The following TMX3 variants were observed in gnomAD, a reference collection of about 807,000 sequenced individuals.
TMX3 encodes protein disulfide-isomerase TMX3.
A neutral mutation model predicts 64.4 loss-of-function variants in TMX3; 40 were observed. That is an observed-to-expected ratio of 0.62 (90% confidence interval 0.48 to 0.81). TMX3 has a LOEUF of 0.81. TMX3 is among the 30% of genes least tolerant of loss of function. The probability of loss-of-function intolerance (pLI) is 0.00; values close to 1 mark genes in which losing one functional copy is unlikely to be tolerated. For synonymous variants in TMX3, 189 were observed against 175.7 expected (o/e 1.08, Z -0.60); for missense variants, 497 against 534.5 (o/e 0.93, Z 0.69).
intron 2 of TMX3, among the ~76,000 whole-genome samples, chr18:68,713,333 G>A (rs1008610381): frequency 6.6e-6 from 1 of 152,184 alleles, no homozygotes. Flanking sequence ...GGCCTGGGAG[G>A]CCGAATCCTT....
intron 8 of TMX3, among the ~76,000 whole-genome samples, chr18:68,695,669 A>T (rs1196180532): frequency 6.6e-6 from 1 of 152,146 alleles, no homozygotes; most frequent in African/African-American, 2.4e-5. Flanking sequence ...TATCTTCTAA[A>T]CACAACAATC....
intron 3 of TMX3, among the ~76,000 whole-genome samples, chr18:68,710,596 AG>A (rs1291787518): frequency 6.6e-6 from 1 of 152,162 alleles, no homozygotes; most frequent in Admixed American, 6.5e-5. Context: ...ACTGGCAAGA[AG>A]GGGAGGTCAT....
At chr18:68,697,086 T>C (rs1336767097) in intron 8 of TMX3, 140 bp downstream of exon 8, 3 of 529,558 alleles carry the variant, frequency 5.7e-6, no homozygotes, top group Non-Finnish European at 9.9e-6. Context: ...TGTTTACTTT[T>C]TCCAAACATA....
chr18:68,711,769 G>A (rs2031300507), intron 2 of TMX3, among the ~76,000 whole-genome samples: 2 of 152,148 alleles, frequency 1.3e-5, no homozygotes, highest in South Asian at 4.1e-4. Flanking sequence ...TCTAAGAATG[G>A]TCCTTGGTTG....
At chr18:68,685,736 T>A (rs1913887141) in intron 10 of TMX3, among the ~76,000 whole-genome samples, 1 of 152,268 alleles carries the variant, frequency 6.6e-6, no homozygotes, top group Non-Finnish European at 1.5e-5. Flanking sequence ...CTGGTAGACA[T>A]TTTCATCAAA....
chr18:68,698,280 CCATT>C (rs1324353756), intron 6 of TMX3, among the ~76,000 whole-genome samples: 2 of 152,136 alleles, frequency 1.3e-5, no homozygotes, highest in African/African-American at 2.4e-5. Flanking sequence ...GTCAAAACAT[CCATT>C]CAGAGAGTAC....
At chr18:68,686,927 A>G in intron 10 of TMX3, 1 of 984,658 alleles carries the variant, frequency 1.0e-6, no homozygotes, top group Non-Finnish European at 1.2e-6. Context: ...TATTAATTAG[A>G]TTTAAGAGTA....
intron 8 of TMX3, among the ~76,000 whole-genome samples, chr18:68,693,740 G>C (rs1914772187): frequency 1.3e-5 from 2 of 152,024 alleles, no homozygotes; most frequent in South Asian, 4.1e-4. Context: ...GGCAGGAAGG[G>C]GTGGGTCCCC....
chr18:68,704,012 C>T (rs981873318), intron 4 of TMX3, among the ~76,000 whole-genome samples: 20 of 152,016 alleles, frequency 1.3e-4, no homozygotes, highest in Non-Finnish European at 1.5e-4. Flanking sequence ...CCAGTTAGGA[C>T]TCTAACTTCA....
intron 8 of TMX3, 106 bp downstream of exon 8, chr18:68,697,120 A>G (rs1915167293): frequency 3.0e-6 from 2 of 666,024 alleles, no homozygotes; most frequent in Non-Finnish European, 5.1e-6. Flanking sequence ...ATCTGATATT[A>G]AAATCAATAA....
chr18:68,704,628 T>C (rs1404651631), intron 4 of TMX3, among the ~76,000 whole-genome samples: 3 of 152,242 alleles, frequency 2.0e-5, no homozygotes, highest in Non-Finnish European at 4.4e-5. Context: ...TTCTTTACTT[T>C]TTCATATTAG....
intron 13 of TMX3, 42 bp downstream of exon 13, chr18:68,682,883 A>C (rs1259404215): frequency 1.9e-6 from 3 of 1,559,064 alleles, no homozygotes; most frequent in Non-Finnish European, 2.6e-6. Flanking sequence ...AAATTTAAAA[A>C]TTAATAGATT....
chr18:68,701,314 C>G (rs759646411), intron 5 of TMX3, among the ~76,000 whole-genome samples: 2 of 152,070 alleles, frequency 1.3e-5, no homozygotes, highest in African/African-American at 4.8e-5. Context: ...TGAGAAAATT[C>G]AATGAAGTCA....
chr18:68,689,866 G>T (rs377209345), intron 9 of TMX3: 1 of 151,912 alleles, frequency 6.6e-6, no homozygotes, highest in Non-Finnish European at 1.5e-5. Context: ...TGTAATCCTG[G>T]GGTATTAATC....
At chr18:68,714,880 C>T in intron 1 of TMX3, 56 bp downstream of exon 1, 1 of 1,545,616 alleles carries the variant, frequency 6.5e-7, no homozygotes, top group Non-Finnish European at 8.7e-7. Context: ...CCCGGCCCCA[C>T]GGCGGGGCCA....
chr18:68,688,242 T>C (rs1229853785), intron 9 of TMX3, among the ~76,000 whole-genome samples: 1 of 152,158 alleles, frequency 6.6e-6, no homozygotes, highest in African/African-American at 2.4e-5. Context: ...TGGTTATACT[T>C]GGGTCATGGC....
chr18:68,702,175 CAAAAAAAAA>C (rs375234012), intron 4 of TMX3, among the ~76,000 whole-genome samples: 1 of 44,036 alleles, frequency 2.3e-5, no homozygotes, highest in African/African-American at 7.6e-5. Flanking sequence ...TTACTCCTCT[CAAAAAAAAA>C]AAAAAAAAAA....
chr18:68,700,432 A>T lies in TMX3; in HGVS notation c.365T>A (p.Ile122Asn), dbSNP rs780999139. ...AGATACTCTGTGAGCAAACTCAATA[A>T]TATCATCTTTTGTTCGTGGTCCTCT... ...NYRGPRTKDD[I>N]IEFAHRVSGA... is the part of the protein sequence containing the mutation. The change falls in exon 6 of 16, where the codon ATT becomes AAT. Residue 122 changes from isoleucine (I) to asparagine (N), a missense_variant. Physicochemically the swap from Ile to Asn is moderately radical, Grantham distance 149 (BLOSUM62 -3). This residue lies in a region of TMX3 where 360 missense variants were observed against 383.5 expected (regional missense o/e 0.94). Transcript: ENST00000299608. The T allele has an allele frequency of 6.3e-7, 1 of 1,582,322 alleles. No homozygotes were observed. Among genetic ancestry groups the T allele is most frequent in the Admixed American group, 1.8e-5 (1 of 55,714 alleles).
In TMX3 at chr18:68,687,663, T is replaced by C. The variant is rs200838627; in HGVS notation, c.736+4A>G. The C allele has an allele frequency of 6.6e-4, 1,057 of 1,604,980 alleles. 4 individuals are homozygous for C. The highest frequency in any genetic ancestry group is 1.9e-3 in the South Asian group (173 of 89,474). On this transcript the variant is annotated splice_donor_region_variant and intron_variant, in intron 10 of 15. Coordinates refer to ENST00000299608, the MANE Select transcript of TMX3 (RefSeq NM_019022.5). ...TAATGGAGACTTGTACATATGCTTG[T>C]TACCTGTGTCTCCAAGTTCATACAA...
Sources: gnomAD v4.1 joint callset for allele counts (sites outside exome capture counted in the v4.1 genomes callset) on GRCh38, gnomAD v4.1.1 for gene constraint, gnomAD v4.1.1 regional missense constraint, MANE v1.5 for transcripts, NCBI Gene and HGNC (gene_info 2026-07-23, HGNC 2026-07-21) for gene names.